Variants in DYNC2H1 observed in about 807,000 individuals in gnomAD.
DYNC2H1 encodes the protein dynein cytoplasmic 2 heavy chain 1.
In DYNC2H1, 410 loss-of-function variants were observed where a neutral mutation model predicts 570.0. The ratio of observed to expected loss-of-function variants is 0.72; its 90% CI spans 0.66 to 0.78. The LOEUF (loss-of-function observed/expected upper bound fraction) is 0.78. DYNC2H1 is among the 30% of genes least tolerant of loss of function. The pLI is 0.00. For missense variants in DYNC2H1, 4,865 were observed against 5,046.4 expected, an observed-to-expected ratio of 0.96 and a Z score of 1.09; for synonymous variants, 1,688 against 1,677.6, an observed-to-expected ratio of 1.01 and a Z score of -0.15.
chr11:103,344,771 C>A (rs926531678), intron 82 of DYNC2H1, among the ~76,000 whole-genome samples: 2 of 152,080 alleles, frequency 1.3e-5, no homozygotes, highest in Non-Finnish European at 2.9e-5. Context: ...AAATATAACA[C>A]TTAATATATA....
rs1245251227 is a variant in DYNC2H1, at chr11:103,185,525, A to AT, written c.6633+482dup. 2.0e-5 allele frequency among the ~76,000 whole-genome samples: 3 copies of AT among 151,726 alleles called. No individual in the cohort carries two copies. The highest frequency in any genetic ancestry group is 4.8e-5 in the African/African-American group (2 of 41,338). ...AAAGCTGAATTCTAAATAATAAGTGATTTTTTTTCCAATTGACCTCTACTG... is the reference window on the plus strand; with the variant it reads ...AAAGCTGAATTCTAAATAATAAGTGATTTTTTTTTCCAATTGACCTCTACTG... On this transcript the variant is annotated intron_variant, in intron 41 of 88. Coordinates refer to ENST00000375735, the MANE Select transcript of DYNC2H1 (RefSeq NM_001377.3). This position sits in a 1 kb window ranked among gnomAD's most constrained non-coding sequence, Gnocchi z 4.5.
At chr11:103,447,104 G>A (rs2514405) in intron 85 of DYNC2H1, among the ~76,000 whole-genome samples, 1 of 151,858 alleles carries the variant, frequency 6.6e-6, no homozygotes, top group Non-Finnish European at 1.5e-5. Context: ...GAATGAAATT[G>A]TATTACCTGA....
In DYNC2H1 at chr11:103,121,298, G is replaced by A. The variant is rs1858694131; in HGVS notation, c.1361-74G>A. 2.0e-6 allele frequency: 3 copies of A among 1,477,300 alleles called. No individual in the cohort carries two copies. In the Admixed American group the frequency reaches 6.5e-5, roughly 32 times the overall value. The allele number at this position is 1,477,300 out of a possible 1,614,324, so 91.5% of individuals were successfully genotyped here. A position where few individuals can be genotyped will look rare whatever the true frequency, so the allele number is the denominator to read the frequency against. On this transcript the variant is annotated intron_variant, in intron 9 of 88. Transcript: ENST00000375735. ...TTCTTTCTACAGCATCTGACATAGT[G>A]CTTGGTACGTGGAAGTTATTTAGGA...
chr11:103,432,252 G>A (rs907660593), intron 84 of DYNC2H1, among the ~76,000 whole-genome samples: 5 of 152,052 alleles, frequency 3.3e-5, no homozygotes, highest in Non-Finnish European at 5.9e-5. Flanking sequence ...AACGATTTTT[G>A]GTTAGCTCAT....
At chr11:103,176,116 G>A (rs997957491) in intron 36 of DYNC2H1, 119 bp from the exon 37 acceptor site, 1 of 728,000 alleles carries the variant, frequency 1.4e-6, no homozygotes, top group Admixed American at 3.9e-5. Flanking sequence ...GTCTTTAAAT[G>A]TTACTAAATT....
rs1185377672 is a variant in DYNC2H1, at chr11:103,461,838, A to ACATTCCAC, written c.12648+5484_12648+5491dup. Among the ~76,000 whole-genome samples, 3 of 152,142 alleles carry ACATTCCAC rather than the reference A, an allele frequency of 2.0e-5. No homozygotes were observed. The highest frequency in any genetic ancestry group is 4.4e-5 in the Non-Finnish European group (3 of 68,024). ...TATTTCAAGGTTTTAAGATTTAGAA[A>ACATTCCAC]CATTCCACCTTTTTCTCTTTTTTCT... On this transcript the variant is annotated intron_variant, in intron 87 of 88. Transcript: ENST00000375735. This position sits in a 1 kb window ranked among gnomAD's most constrained non-coding sequence, Gnocchi z 4.8.
intron 15 of DYNC2H1, 43 bp downstream of exon 15, chr11:103,134,462 C>A (rs1859436100): frequency 2.0e-6 from 3 of 1,488,532 alleles, no homozygotes; most frequent in Non-Finnish European, 2.7e-6. Flanking sequence ...GAAATATGAC[C>A]TTTTCAGAAT....
intron 82 of DYNC2H1, among the ~76,000 whole-genome samples, chr11:103,331,800 G>A (rs1446440906): frequency 6.6e-6 from 1 of 152,150 alleles, no homozygotes; most frequent in African/African-American, 2.4e-5. Flanking sequence ...AGTGGCTCAC[G>A]CCCGTAATCC....
intron 55 of DYNC2H1, among the ~76,000 whole-genome samples, chr11:103,217,815 T>C (rs1432668571): frequency 6.6e-6 from 1 of 152,148 alleles, no homozygotes; most frequent in East Asian, 1.9e-4. Context: ...TTACAAAACA[T>C]ATATTTGATA....
chr11:103,124,862 A>T (rs1234623826), intron 11 of DYNC2H1, among the ~76,000 whole-genome samples: 6 of 152,196 alleles, frequency 3.9e-5, no homozygotes, highest in Admixed American at 1.3e-4. Context: ...CTTACTTTAA[A>T]ACTGCTTGGT....
intron 85 of DYNC2H1, among the ~76,000 whole-genome samples, chr11:103,442,746 T>C (rs1944309472): frequency 6.6e-6 from 1 of 152,096 alleles, no homozygotes; most frequent in South Asian, 2.1e-4. Context: ...TTTCATCACA[T>C]GCATACCAAT....
chr11:103,316,240 TC>T (rs999028130), intron 79 of DYNC2H1, among the ~76,000 whole-genome samples: 20 of 152,094 alleles, frequency 1.3e-4, no homozygotes, highest in African/African-American at 4.8e-4. Context: ...TTAGGAAATA[TC>T]CCAATGTATA....
chr11:103,392,582 T>C (rs1253232605), intron 83 of DYNC2H1, among the ~76,000 whole-genome samples: 4 of 152,358 alleles, frequency 2.6e-5, no homozygotes, highest in Middle Eastern at 3.4e-3. Flanking sequence ...TCGCTCACGC[T>C]GGGAGCTTTA....
chr11:103,202,209 T>C (rs1297503385), intron 50 of DYNC2H1, among the ~76,000 whole-genome samples: 2 of 151,860 alleles, frequency 1.3e-5, no homozygotes, highest in Non-Finnish European at 2.9e-5. Context: ...TCTTTTGATA[T>C]TTAAGGAATA....
At chr11:103,431,896 G>T (rs749427691) in intron 84 of DYNC2H1, among the ~76,000 whole-genome samples, 2 of 152,124 alleles carry the variant, frequency 1.3e-5, no homozygotes, top group Non-Finnish European at 2.9e-5. Context: ...GGGCACTGTC[G>T]TAGAGAAGAA....
chr11:103,388,538 A>T (rs1460125199), intron 83 of DYNC2H1, among the ~76,000 whole-genome samples: 2 of 152,130 alleles, frequency 1.3e-5, no homozygotes, highest in African/African-American at 4.8e-5. Context: ...TTCCAACATT[A>T]TGTTGAATAG....
intron 35 of DYNC2H1, 98 bp downstream of exon 35, chr11:103,173,403 G>A: frequency 3.6e-6 from 3 of 839,282 alleles, no homozygotes; most frequent in Non-Finnish European, 5.1e-6. Flanking sequence ...TTCACCTATT[G>A]CATGATTTTT....
At chr11:103,470,028 G>A (rs2135852783) in intron 88 of DYNC2H1, among the ~76,000 whole-genome samples, 1 of 152,042 alleles carries the variant, frequency 6.6e-6, no homozygotes, top group East Asian at 1.9e-4. Context: ...AAAAAAGTAG[G>A]GCAAGTATAA....
At chr11:103,304,211 T>G (rs1227717392) in intron 76 of DYNC2H1, among the ~76,000 whole-genome samples, 1 of 151,996 alleles carries the variant, frequency 6.6e-6, no homozygotes, top group Non-Finnish European at 1.5e-5. Context: ...AAAATATAAA[T>G]GAAAGATAGC....
Sources: gnomAD v4.1 joint callset for allele counts (sites outside exome capture counted in the v4.1 genomes callset) on GRCh38, gnomAD v4.1.1 for gene constraint, Gnocchi (gnomAD v3.1) non-coding constraint, MANE v1.5 for transcripts, NCBI Gene and HGNC (gene_info 2026-07-23, HGNC 2026-07-21) for gene names.